LYPLAL1: variants seen among roughly 807,000 people sequenced by gnomAD.
The protein encoded by LYPLAL1 is lysophospholipase-like protein 1.
Under a neutral mutation model 19.7 loss-of-function variants are expected in LYPLAL1, and 23 were observed. The ratio of observed to expected loss-of-function variants is 1.17; its 90% confidence interval spans 0.84 to 1.65. The LOEUF is 1.65. Among genes scored for constraint, LYPLAL1 ranks in the 40% most tolerant of loss-of-function variants. The pLI is 0.00. For missense variants in LYPLAL1, 355 were observed against 279.4 expected (o/e 1.27, Z -1.93); for synonymous variants, 119 against 96.3 (o/e 1.24, Z -1.38).
chr1:219,289,959 A>G, the LYPLAL1 span, among the ~76,000 whole-genome samples: 240 of 152,310 alleles, frequency 1.6e-3, no homozygotes, highest in African/African-American at 5.4e-3. Flanking sequence ...TCTAATGGCC[A>G]ATCCTACTGA....
At chr1:219,214,573 C>T (rs1486242093), downstream of LYPLAL1, among the ~76,000 whole-genome samples, 1 of 151,650 alleles carries the variant, frequency 6.6e-6, no homozygotes, top group Non-Finnish European at 1.5e-5. Flanking sequence ...ATTATAATAA[C>T]CTTTCATATT....
the LYPLAL1 span, among the ~76,000 whole-genome samples, chr1:219,322,587 C>CA: frequency 1.3e-5 from 2 of 151,528 alleles, no homozygotes; most frequent in African/African-American, 2.4e-5. Flanking sequence ...AGAAGTCAAA[C>CA]AAAAAAGGAG....
chr1:219,193,474 ACT>A (rs957797846), intron 3 of LYPLAL1: 26 of 282,452 alleles, frequency 9.2e-5, no homozygotes, highest in African/African-American at 3.7e-4. Context: ...GGATTTTGAG[ACT>A]CTTGTGGCAG....
At chr1:219,258,749 C>T in the LYPLAL1 span, among the ~76,000 whole-genome samples, 1 of 151,906 alleles carries the variant, frequency 6.6e-6, no homozygotes, top group African/African-American at 2.4e-5. Context: ...GCAAATGCAA[C>T]AAAAACAACA....
chr1:219,253,258 AAT>A, the LYPLAL1 span, among the ~76,000 whole-genome samples: 2 of 151,508 alleles, frequency 1.3e-5, no homozygotes, highest in Non-Finnish European at 3.0e-5. Context: ...TGATCTTTTT[AAT>A]AACTTTTTGT....
the LYPLAL1 span, among the ~76,000 whole-genome samples, chr1:219,435,950 C>T: frequency 6.6e-6 from 1 of 152,194 alleles, no homozygotes. Context: ...ACAGTCTGCA[C>T]CAGAATGCAA....
rs536212398 is a variant in LYPLAL1, at chr1:219,188,885, G to T, written c.192-4197G>T. ...GAAGGTGAATGAGTATAACATATGT[G>T]ATAGTTTTTAGCTGTTTAAAAAACA... On this transcript the variant is annotated intron_variant, in intron 2 of 4. Transcript: ENST00000366928. 5.9e-5 allele frequency among the ~76,000 whole-genome samples: 9 copies of T among 151,662 alleles called. No homozygotes were observed. The South Asian group carries it at 1.9e-3, about 32-fold the overall frequency.
At chr1:219,254,711 T>G in the LYPLAL1 span, among the ~76,000 whole-genome samples, 19 of 151,984 alleles carry the variant, frequency 1.3e-4, no homozygotes, top group Admixed American at 9.2e-4. Flanking sequence ...GCCTTTAACA[T>G]TCTTTCATTT....
At chr1:219,358,486 A>T in the LYPLAL1 span, among the ~76,000 whole-genome samples, 1 of 152,202 alleles carries the variant, frequency 6.6e-6, no homozygotes, top group Non-Finnish European at 1.5e-5. Flanking sequence ...TGGGTAATTT[A>T]TAAAGAAAAG....
At chr1:219,195,004 G>A (rs1027127167) in intron 3 of LYPLAL1, among the ~76,000 whole-genome samples, 35 of 152,142 alleles carry the variant, frequency 2.3e-4, no homozygotes, top group African/African-American at 8.2e-4. Context: ...AGACTAGAAC[G>A]TGATGGCATA....
chr1:219,310,974 T>A, the LYPLAL1 span, among the ~76,000 whole-genome samples: 1 of 152,180 alleles, frequency 6.6e-6, no homozygotes, highest in African/African-American at 2.4e-5. Context: ...TTTAGCACAG[T>A]TCCTGGCTCA....
chr1:219,182,075 C>G (rs1270037276), intron 2 of LYPLAL1, among the ~76,000 whole-genome samples: 1 of 152,006 alleles, frequency 6.6e-6, no homozygotes, highest in Non-Finnish European at 1.5e-5. Context: ...TGGTAAATAA[C>G]CTAAGAATTG....
chr1:219,368,568 C>G, the LYPLAL1 span, among the ~76,000 whole-genome samples: 1 of 152,198 alleles, frequency 6.6e-6, no homozygotes, highest in Non-Finnish European at 1.5e-5. Flanking sequence ...AAGGAGGGCT[C>G]TGTCAGCCAG....
At chr1:219,317,782 G>C in the LYPLAL1 span, among the ~76,000 whole-genome samples, 3 of 152,172 alleles carry the variant, frequency 2.0e-5, no homozygotes, top group Non-Finnish European at 4.4e-5. Context: ...CTCAGAGAAT[G>C]ACTTTATATG....
the LYPLAL1 span, among the ~76,000 whole-genome samples, chr1:219,360,948 A>AT: frequency 6.6e-6 from 1 of 152,158 alleles, no homozygotes; most frequent in African/African-American, 2.4e-5. Context: ...CAAAATGAGA[A>AT]TTTATAATAA....
At chr1:219,238,195 T>C in the LYPLAL1 span, among the ~76,000 whole-genome samples, 25 of 147,134 alleles carry the variant, frequency 1.7e-4, no homozygotes, top group Middle Eastern at 7.0e-3. Flanking sequence ...TGGAGTGCAG[T>C]GGCGCAATCT....
the LYPLAL1 span, chr1:219,272,298 G>A: frequency 7.9e-5 from 12 of 152,354 alleles, no homozygotes; most frequent in East Asian, 2.1e-3. Flanking sequence ...TTGGAGCATA[G>A]CCTGTGACCA....
chr1:219,349,306 G>T, the LYPLAL1 span, among the ~76,000 whole-genome samples: 21 of 152,172 alleles, frequency 1.4e-4, no homozygotes, highest in African/African-American at 5.1e-4. Context: ...AAACTACTCT[G>T]TGTTAGGAGC....
At chr1:219,314,514 G>A in the LYPLAL1 span, among the ~76,000 whole-genome samples, 2 of 151,786 alleles carry the variant, frequency 1.3e-5, no homozygotes, top group Non-Finnish European at 2.9e-5. Flanking sequence ...GCGCAATCTC[G>A]GCTAGCTGCA....
Sources: gnomAD v4.1 joint callset for allele counts (sites outside exome capture counted in the v4.1 genomes callset) on GRCh38, gnomAD v4.1.1 for gene constraint, MANE v1.5 for transcripts, NCBI Gene and HGNC (gene_info 2026-07-23, HGNC 2026-07-21) for gene names.